GREM2: variants seen among roughly 807,000 people sequenced by gnomAD.
The protein encoded by GREM2 is gremlin-2.
A neutral mutation model predicts 14.2 loss-of-function variants in GREM2; 11 were observed. The observed-to-expected ratio is 0.78, with a 90% confidence interval of 0.49 to 1.28. GREM2 has a LOEUF of 1.28. Ranked by LOEUF, GREM2 falls within the 50% of genes most tolerant of loss-of-function variation. GREM2 has a pLI of 0.00. For synonymous variants in GREM2, 98 were observed against 97.6 expected, an observed-to-expected ratio of 1.00 and a Z score of -0.02; for missense variants, 210 against 218.5, an observed-to-expected ratio of 0.96 and a Z score of 0.24.
intron 1 of GREM2, among the ~76,000 whole-genome samples, chr1:240,567,630 T>C (rs1433643782): frequency 2.0e-5 from 3 of 152,118 alleles, no homozygotes; most frequent in Non-Finnish European, 2.9e-5. Flanking sequence ...AATTCATCAA[T>C]AGTAGACTCA....
chr1:240,534,249 C>T (rs1328122380), intron 1 of GREM2, among the ~76,000 whole-genome samples: 2 of 152,116 alleles, frequency 1.3e-5, no homozygotes, highest in Non-Finnish European at 2.9e-5. Context: ...GAAAAACAAT[C>T]AGTTTTCACT....
chr1:240,497,296 A>C (rs1677448065), intron 1 of GREM2, among the ~76,000 whole-genome samples: 1 of 150,712 alleles, frequency 6.6e-6, no homozygotes, highest in East Asian at 2.0e-4. Flanking sequence ...GTGGGTACAT[A>C]ATAGGTATAT....
At chr1:240,510,238 C>A (rs375966647) in intron 1 of GREM2, among the ~76,000 whole-genome samples, 2 of 151,600 alleles carry the variant, frequency 1.3e-5, no homozygotes, top group South Asian at 4.2e-4. Context: ...GGCGTGGTGG[C>A]GGGCGCCTGT....
chr1:240,585,172 AAGTGCTTTGTG>A (rs1327650253), intron 1 of GREM2, among the ~76,000 whole-genome samples: 8 of 152,216 alleles, frequency 5.3e-5, no homozygotes, highest in East Asian at 3.9e-4. Context: ...ATGTAGGTAA[AAGTGCTTTGTG>A]AGCATAAGCA....
rs1476191291 is a variant in GREM2, at chr1:240,492,243, A to G, written c.*726T>C. ...AGCATGCACACCAGAGTTCATCTTT[A>G]GTCCACAAATAGGGGGCGGGGACAG... On this transcript the variant is annotated 3_prime_UTR_variant, in exon 2 of 2. Transcript: ENST00000318160. The G allele has an allele frequency of 4.4e-6, 2 of 453,290 alleles. No individual in the cohort carries two copies. Among genetic ancestry groups the G allele is most frequent in the Admixed American group, 4.7e-5 (2 of 42,448 alleles). 28.1% of individuals were successfully genotyped at this position (453,290 alleles called of 1,614,324 possible).
chr1:240,505,689 GACC>G (rs1453932876), intron 1 of GREM2, among the ~76,000 whole-genome samples: 3 of 151,204 alleles, frequency 2.0e-5, no homozygotes, highest in African/African-American at 7.3e-5. Context: ...ACTTTAATGT[GACC>G]ACATTATTAA....
rs1677274561 is a variant in GREM2, at chr1:240,492,370, T to C, written c.*599A>G. The C allele has an allele frequency of 1.3e-5, 4 of 297,000 alleles. No homozygotes were observed. The highest frequency in any genetic ancestry group is 2.8e-5 in the Non-Finnish European group (4 of 142,370). The allele number at this position is 297,000 out of a possible 1,614,324, so 18.4% of individuals were successfully genotyped here. A position where few individuals can be genotyped will look rare whatever the true frequency, so the allele number is the denominator to read the frequency against. ...CACTTCGGGATCCAAGTGGCTCAAG[T>C]TGTCTTCTTGGTATCAGGTTTATTA... On this transcript the variant is annotated 3_prime_UTR_variant, in exon 2 of 2. Coordinates refer to ENST00000318160, the MANE Select transcript of GREM2 (RefSeq NM_022469.4).
At chr1:240,544,651 G>A (rs6429210) in intron 1 of GREM2, among the ~76,000 whole-genome samples, 77,471 of 152,014 alleles carry the variant, frequency 0.51, 22,008 homozygotes, top group African/African-American at 0.78. Flanking sequence ...TCTGTTTTTA[G>A]CCCTTTTCAA....
chr1:240,587,891 G>A (rs1048574647), intron 1 of GREM2, among the ~76,000 whole-genome samples: 1 of 152,152 alleles, frequency 6.6e-6, no homozygotes, highest in Non-Finnish European at 1.5e-5. Flanking sequence ...TAGGGCAGAT[G>A]TTTTCTGAAC....
intron 1 of GREM2, among the ~76,000 whole-genome samples, chr1:240,508,625 C>G (rs1416105941): frequency 6.6e-6 from 1 of 152,216 alleles, no homozygotes; most frequent in Non-Finnish European, 1.5e-5. Context: ...CCAAGCTTAT[C>G]AAGTATTTTT....
At chr1:240,549,142 C>T (rs1678794743) in intron 1 of GREM2, among the ~76,000 whole-genome samples, 1 of 151,976 alleles carries the variant, frequency 6.6e-6, no homozygotes. Context: ...TCAAAACCAG[C>T]CCGGCCAACA....
chr1:240,498,676 C>A (rs1329352041), intron 1 of GREM2, among the ~76,000 whole-genome samples: 1 of 152,218 alleles, frequency 6.6e-6, no homozygotes, highest in Admixed American at 6.5e-5. Flanking sequence ...TATAGAAAGT[C>A]CCACTCTGTC....
chr1:240,575,488 C>T (rs775336109), intron 1 of GREM2, among the ~76,000 whole-genome samples: 18 of 151,850 alleles, frequency 1.2e-4, no homozygotes, highest in Non-Finnish European at 2.2e-4. Flanking sequence ...TTCCAAATAC[C>T]ACTGTAGCAA....
At chr1:240,561,364 G>A (rs1679032101) in intron 1 of GREM2, among the ~76,000 whole-genome samples, 1 of 152,118 alleles carries the variant, frequency 6.6e-6, no homozygotes. Context: ...AGGATTTTGT[G>A]TGGTAAGTTT....
At chr1:240,602,103 G>C (rs1233493632) in intron 1 of GREM2, among the ~76,000 whole-genome samples, 1 of 152,102 alleles carries the variant, frequency 6.6e-6, no homozygotes, top group Admixed American at 6.6e-5. Flanking sequence ...CTTTAATACA[G>C]AGAAGTTCTC....
At chr1:240,532,235 C>T (rs750959754) in intron 1 of GREM2, among the ~76,000 whole-genome samples, 5 of 152,110 alleles carry the variant, frequency 3.3e-5, no homozygotes, top group Non-Finnish European at 5.9e-5. Context: ...AGGTGCACGC[C>T]ACCATGCCCA....
chr1:240,503,702 T>G (rs10465630), intron 1 of GREM2, among the ~76,000 whole-genome samples: 44,417 of 152,086 alleles, frequency 0.29, 7,378 homozygotes, highest in African/African-American at 0.46. Context: ...GCCTGAGATA[T>G]TATTTCTCTG....
intron 1 of GREM2, among the ~76,000 whole-genome samples, chr1:240,604,352 T>C (rs749768114): frequency 9.2e-5 from 14 of 151,420 alleles, no homozygotes; most frequent in South Asian, 8.4e-4. Context: ...AAATGTATGA[T>C]ATACAATTGT....
chr1:240,587,145 A>T (rs1450844393), intron 1 of GREM2, among the ~76,000 whole-genome samples: 1 of 152,146 alleles, frequency 6.6e-6, no homozygotes, highest in Non-Finnish European at 1.5e-5. Flanking sequence ...GAAAATATAG[A>T]TCAGCAGAAA....
Sources: gnomAD v4.1 joint callset for allele counts (sites outside exome capture counted in the v4.1 genomes callset) on GRCh38, gnomAD v4.1.1 for gene constraint, MANE v1.5 for transcripts, NCBI Gene and HGNC (gene_info 2026-07-23, HGNC 2026-07-21) for gene names.